CPEB3: variants seen among roughly 807,000 people sequenced by gnomAD.
CPEB3 encodes the protein cytoplasmic polyadenylation element-binding protein 3.
In CPEB3, 20 loss-of-function variants were observed where a neutral mutation model predicts 67.2. That is an observed-to-expected ratio of 0.30 (90% CI 0.21 to 0.43). The LOEUF is 0.43. Ranked by LOEUF, CPEB3 falls within the 20% of genes least tolerant of loss-of-function variation. The pLI, the probability that CPEB3 is intolerant of heterozygous loss-of-function variation, is 1.00. For missense variants in CPEB3, 746 were observed against 968.6 expected, an observed-to-expected ratio of 0.77 and a Z score of 3.05; for synonymous variants, 376 against 393.1, an observed-to-expected ratio of 0.96 and a Z score of 0.51.
At chr10:92,115,608 T>G (rs1183703481) in intron 6 of CPEB3, among the ~76,000 whole-genome samples, 2 of 152,158 alleles carry the variant, frequency 1.3e-5, no homozygotes, top group Non-Finnish European at 1.5e-5. Flanking sequence ...AGTGAAACAT[T>G]TAATTGTGTT....
intron 2 of CPEB3, among the ~76,000 whole-genome samples, chr10:92,213,953 T>C (rs1431656354): frequency 6.6e-6 from 1 of 152,062 alleles, no homozygotes; most frequent in Non-Finnish European, 1.5e-5. Context: ...AAAGCCAAAT[T>C]TATCCCCAAA....
At chr10:92,204,058 T>C (rs988338272) in intron 2 of CPEB3, among the ~76,000 whole-genome samples, 6 of 152,064 alleles carry the variant, frequency 3.9e-5, no homozygotes, top group African/African-American at 1.2e-4. Flanking sequence ...TGTCTTACAG[T>C]GATATACTGT....
chr10:92,086,262 T>TAA (rs1385644545), intron 8 of CPEB3, among the ~76,000 whole-genome samples: 14 of 152,242 alleles, frequency 9.2e-5, no homozygotes, highest in African/African-American at 2.9e-4. Flanking sequence ...AAAGGAAGAT[T>TAA]AAACTTGAGG....
At chr10:92,258,789 C>A (rs971276889) in intron 1 of CPEB3, among the ~76,000 whole-genome samples, 1 of 150,546 alleles carries the variant, frequency 6.6e-6, no homozygotes, top group East Asian at 2.0e-4. Flanking sequence ...TCCTGAGTAG[C>A]TGGAACTACA....
chr10:92,078,732 C>T (rs1345698141), intron 9 of CPEB3, among the ~76,000 whole-genome samples: 1 of 152,156 alleles, frequency 6.6e-6, no homozygotes, highest in Non-Finnish European at 1.5e-5. Context: ...TACAATCATG[C>T]TAACAAAAGC....
At chr10:92,188,320 T>TAAAAAAAAAAAAA (rs756970118) in intron 3 of CPEB3, among the ~76,000 whole-genome samples, 4 of 36,976 alleles carry the variant, frequency 1.1e-4, no homozygotes, top group East Asian at 8.8e-4. Flanking sequence ...TAAGACATAG[T>TAAAAAAAAAAAAA]AAAAAAAAAA....
chr10:92,052,119 A>G lies in CPEB3; in HGVS notation c.*93T>C, dbSNP rs1841915499. 1 of 749,954 alleles carries G rather than the reference A, an allele frequency of 1.3e-6. No individual in the cohort carries two copies. The highest frequency in any genetic ancestry group is 1.8e-5 in the South Asian group (1 of 56,898). The allele number at this position is 749,954 out of a possible 1,614,324, so 46.5% of individuals were successfully genotyped here. A position where few individuals can be genotyped will look rare whatever the true frequency, so the allele number is the denominator to read the frequency against. On this transcript the variant is annotated 3_prime_UTR_variant, in exon 10 of 10. Transcript: ENST00000265997. ...CTTTAAAAATCGAGAACGAATGCAC[A>G]GATTTCCAGAACACTGTAAGCCCTG...
chr10:92,085,772 A>T (rs1159410497), intron 8 of CPEB3, among the ~76,000 whole-genome samples: 1 of 151,600 alleles, frequency 6.6e-6, no homozygotes, highest in East Asian at 1.9e-4. Context: ...ACCACGCCCA[A>T]CTCATTTTTA....
chr10:92,284,766 CACAA>C (rs1279493285), intron 1 of CPEB3, among the ~76,000 whole-genome samples: 1 of 152,108 alleles, frequency 6.6e-6, no homozygotes, highest in Non-Finnish European at 1.5e-5. Flanking sequence ...CTATAAACCC[CACAA>C]ACAAGGTAAA....
At chr10:92,113,874 A>G (rs191340502) in intron 6 of CPEB3, among the ~76,000 whole-genome samples, 1 of 152,362 alleles carries the variant, frequency 6.6e-6, no homozygotes, top group East Asian at 1.9e-4. Context: ...GGGAGTCACA[A>G]GTAAAAGCCT....
intron 1 of CPEB3, among the ~76,000 whole-genome samples, chr10:92,253,330 C>T (rs1483162518): frequency 6.6e-6 from 1 of 151,630 alleles, no homozygotes; most frequent in African/African-American, 2.4e-5. Context: ...TGTGGTGGCA[C>T]ACGCCTGTTG....
intron 1 of CPEB3, 98 bp from the exon 2 acceptor site, chr10:92,240,459 A>G (rs986095125): frequency 8.5e-7 from 1 of 1,171,326 alleles, no homozygotes; most frequent in African/African-American, 1.6e-5. Flanking sequence ...ATCCATCGCC[A>G]CCGCTACTAG....
intron 1 of CPEB3, among the ~76,000 whole-genome samples, chr10:92,283,531 T>C (rs1842392081): frequency 1.3e-5 from 2 of 152,038 alleles, no homozygotes; most frequent in South Asian, 4.1e-4. Flanking sequence ...TATGTTATCT[T>C]TGCAGAGATT....
intron 1 of CPEB3, among the ~76,000 whole-genome samples, chr10:92,261,958 T>G (rs555494466): frequency 3.9e-5 from 6 of 152,194 alleles, no homozygotes; most frequent in Non-Finnish European, 8.8e-5. Flanking sequence ...CTCCCAATGG[T>G]TCAATTTAAT....
chr10:92,251,144 AG>A (rs564338454), intron 1 of CPEB3, among the ~76,000 whole-genome samples: 16 of 152,318 alleles, frequency 1.1e-4, no homozygotes, highest in Non-Finnish European at 1.8e-4. Flanking sequence ...TTTGTAAGCT[AG>A]AAGCAAAAGG....
At chr10:92,095,764 T>C (rs754023582) in intron 7 of CPEB3, among the ~76,000 whole-genome samples, 3 of 151,864 alleles carry the variant, frequency 2.0e-5, no homozygotes, top group Non-Finnish European at 4.4e-5. Context: ...TTTTTGAGAA[T>C]AGATGAAATT....
intron 1 of CPEB3, among the ~76,000 whole-genome samples, chr10:92,266,459 G>A (rs1853061323): frequency 6.6e-6 from 1 of 152,116 alleles, no homozygotes; most frequent in South Asian, 2.1e-4. Flanking sequence ...AGCTTCATAT[G>A]CAGAAATCAT....
intron 8 of CPEB3, among the ~76,000 whole-genome samples, chr10:92,082,263 C>T (rs1261039127): frequency 7.3e-6 from 1 of 137,070 alleles, no homozygotes; most frequent in Non-Finnish European, 1.5e-5. Flanking sequence ...TCTAAATATG[C>T]CTTTGTTTGT....
intron 3 of CPEB3, among the ~76,000 whole-genome samples, chr10:92,187,238 A>G (rs1312044438): frequency 6.6e-6 from 1 of 152,216 alleles, no homozygotes; most frequent in Non-Finnish European, 1.5e-5. Context: ...GTTTTAAAGC[A>G]CTATTACTGA....
Sources: allele counts gnomAD v4.1 joint callset (sites outside exome capture counted in the v4.1 genomes callset), GRCh38; gene constraint gnomAD v4.1.1; transcripts MANE v1.5; gene names NCBI Gene and HGNC (gene_info 2026-07-23, HGNC 2026-07-21).